Variants in ITSN1 observed in about 807,000 individuals in gnomAD.
The protein encoded by ITSN1 is intersectin 1.
In ITSN1, 58 loss-of-function variants were observed where a neutral mutation model predicts 239.8. The ratio of observed to expected loss-of-function variants is 0.24; its 90% CI spans 0.20 to 0.30. The LOEUF is 0.30. ITSN1 is among the 10% of genes least tolerant of loss of function. ITSN1 has a pLI of 1.00. For missense variants in ITSN1, 1,558 were observed against 2,103.3 expected, an observed-to-expected ratio of 0.74 and a Z score of 5.07; for synonymous variants, 780 against 770.8, an observed-to-expected ratio of 1.01 and a Z score of -0.20.
chr21:33,647,844 G>A lies in ITSN1; in HGVS notation c.-33+5131G>A, dbSNP rs535916777. 3.3e-5 allele frequency among the ~76,000 whole-genome samples: 5 copies of A among 152,256 alleles called. No individual in the cohort carries two copies. The South Asian group carries it at 1.0e-3, about 32-fold the overall frequency. On this transcript the variant is annotated intron_variant, in intron 1 of 39. Coordinates refer to ENST00000381318, the MANE Select transcript of ITSN1 (RefSeq NM_003024.3). ...ATTTATTTTTATTAGACATTAGTTT[G>A]TTTATTTTTCCTCCACGGTTACTTA... is the stretch of plus-strand genomic sequence containing the variant.
chr21:33,844,323 GA>G (rs1351046100), intron 29 of ITSN1, among the ~76,000 whole-genome samples: 1 of 152,196 alleles, frequency 6.6e-6, no homozygotes, highest in Non-Finnish European at 1.5e-5. Context: ...GGCCACCAGG[GA>G]AAATGGAATG....
chr21:33,758,152 G>C (rs2068051984), intron 8 of ITSN1, among the ~76,000 whole-genome samples: 1 of 152,030 alleles, frequency 6.6e-6, no homozygotes, highest in Non-Finnish European at 1.5e-5. Context: ...CAAAGTACTG[G>C]GATTACAGGC....
At chr21:33,841,930 T>C (rs1199448662) in intron 29 of ITSN1, among the ~76,000 whole-genome samples, 3 of 147,508 alleles carry the variant, frequency 2.0e-5, no homozygotes, top group African/African-American at 5.1e-5. Context: ...CAGAGTTCTC[T>C]TGGGCACTTT....
intron 22 of ITSN1, among the ~76,000 whole-genome samples, chr21:33,815,496 G>A (rs1192002432): frequency 1.3e-5 from 2 of 152,114 alleles, no homozygotes; most frequent in African/African-American, 4.8e-5. Flanking sequence ...GACAGGTAGA[G>A]CTTTGTAACC....
chr21:33,854,545 G>A (rs1978949036), intron 29 of ITSN1, among the ~76,000 whole-genome samples: 1 of 152,190 alleles, frequency 6.6e-6, no homozygotes, highest in Non-Finnish European at 1.5e-5. Flanking sequence ...GTGTTTCTTG[G>A]GTGACCTTCC....
At position 33,765,863 on chromosome 21, in the gene ITSN1, T is replaced by C. The variant is rs372747157; in HGVS notation, c.789-12T>C. The C allele has an allele frequency of 2.9e-5, 46 of 1,613,908 alleles. No individual in the cohort carries two copies. The African/African-American group carries it at 5.7e-4, about 20-fold the overall frequency. ...CATGAAACCGGATTACAGTTAACTTTTTGTTGAATAGGAATCTTTCTGACA... is the reference window on the plus strand; with the variant it reads ...CATGAAACCGGATTACAGTTAACTTCTTGTTGAATAGGAATCTTTCTGACA... On this transcript the variant is annotated splice_polypyrimidine_tract_variant and intron_variant, in intron 9 of 39. Coordinates refer to ENST00000381318, the MANE Select transcript of ITSN1 (RefSeq NM_003024.3).
intron 29 of ITSN1, among the ~76,000 whole-genome samples, chr21:33,843,425 C>T (rs922540972): frequency 1.2e-4 from 18 of 152,300 alleles, no homozygotes; most frequent in African/African-American, 4.1e-4. Context: ...GCCCTTTGTC[C>T]TTCTCTCCTC....
At chr21:33,774,082 T>C (rs567773727) in intron 12 of ITSN1, among the ~76,000 whole-genome samples, 2 of 152,336 alleles carry the variant, frequency 1.3e-5, no homozygotes, top group African/African-American at 4.8e-5. Context: ...AATGATATTC[T>C]AGAGTATTTA....
chr21:33,882,949 C>T lies in ITSN1; in HGVS notation c.4554+494C>T, dbSNP rs1017551973. ...CAGCTGTTTATATGGTCTGCTCATA[C>T]GTGCATGGCTGTGTTTGTGTGTCTT... On this transcript the variant is annotated intron_variant, in intron 35 of 39. Transcript: ENST00000381318. The surrounding 1 kb of genome is among the most constrained non-coding windows in gnomAD (Gnocchi z 4.5). 6.6e-6 allele frequency among the ~76,000 whole-genome samples: 1 copy of T among 152,158 alleles called. No homozygotes were observed. Among genetic ancestry groups the T allele is most frequent in the Non-Finnish European group, 1.5e-5 (1 of 68,036 alleles).
chr21:33,663,390 G>A (rs1377089998), intron 1 of ITSN1, among the ~76,000 whole-genome samples: 6 of 74 alleles, frequency 0.081, no homozygotes, highest in Admixed American at 0.25. Context: ...TAGATGGGCC[G>A]TTAGGCATAG....
At chr21:33,747,137 G>A (rs1253431446) in intron 5 of ITSN1, among the ~76,000 whole-genome samples, 3 of 152,202 alleles carry the variant, frequency 2.0e-5, no homozygotes. Context: ...CTGGGCAACA[G>A]AGTGAGGCCT....
chr21:33,865,348 C>A lies in ITSN1; in HGVS notation c.4074+14C>A, dbSNP rs749354518. 10 of 1,528,960 alleles carry A rather than the reference C, an allele frequency of 6.5e-6. No homozygotes were observed. The highest frequency in any genetic ancestry group is 2.1e-5 in the Admixed American group (1 of 47,370). 94.7% of individuals were successfully genotyped at this position (1,528,960 alleles called of 1,614,324 possible). Reference sequence around the variant, plus strand: ...GAGTTCGTCAAAGTAAGGAGCCAGGCTGTGCAGAGACTGGGCCCCAGAGTG... The same window carrying A: ...GAGTTCGTCAAAGTAAGGAGCCAGGATGTGCAGAGACTGGGCCCCAGAGTG... On this transcript the variant is annotated intron_variant, in intron 32 of 39. Transcript: ENST00000381318. The surrounding 1 kb of genome is among the most constrained non-coding windows in gnomAD (Gnocchi z 4.4).
chr21:33,656,646 C>T (rs990801766), intron 1 of ITSN1, among the ~76,000 whole-genome samples: 1 of 152,154 alleles, frequency 6.6e-6, no homozygotes, highest in Admixed American at 6.5e-5. Context: ...AACGGTCCCC[C>T]CACCTCAGCC....
intron 12 of ITSN1, chr21:33,774,494 C>A (rs1241089632): frequency 1.2e-5 from 4 of 347,000 alleles, no homozygotes; most frequent in Admixed American, 4.3e-5. Flanking sequence ...ATAATCCTGT[C>A]ATCTTACGTA....
At chr21:33,731,524 C>T (rs543743579) in intron 4 of ITSN1, among the ~76,000 whole-genome samples, 21 of 152,286 alleles carry the variant, frequency 1.4e-4, no homozygotes, top group African/African-American at 4.8e-4. Flanking sequence ...AATAAAGCAA[C>T]CAGAAGCCAG....
intron 14 of ITSN1, among the ~76,000 whole-genome samples, chr21:33,778,869 C>T (rs8131217): frequency 0.026 from 3,651 of 141,920 alleles, 381 homozygotes; most frequent in African/African-American, 0.09. Context: ...TGAGCCACCG[C>T]GCCCGGCCTA....
At chr21:33,853,121 G>T (rs1252666353) in intron 29 of ITSN1, among the ~76,000 whole-genome samples, 1 of 152,196 alleles carries the variant, frequency 6.6e-6, no homozygotes, top group Non-Finnish European at 1.5e-5. Context: ...ATGATTCCAA[G>T]CCAACATCAT....
intron 14 of ITSN1, among the ~76,000 whole-genome samples, chr21:33,776,429 C>T (rs1602164947): frequency 6.7e-6 from 1 of 148,294 alleles, no homozygotes; most frequent in South Asian, 2.1e-4. Context: ...GGCATGGGGG[C>T]GTTCACCTGT....
chr21:33,726,603 A>C (rs765116639), intron 4 of ITSN1, among the ~76,000 whole-genome samples: 8 of 152,144 alleles, frequency 5.3e-5, no homozygotes, highest in Admixed American at 2.0e-4. Flanking sequence ...TTCTGGGCTC[A>C]AACAATCCTC....
Sources: allele counts gnomAD v4.1 joint callset (sites outside exome capture counted in the v4.1 genomes callset), GRCh38; gene constraint gnomAD v4.1.1; non-coding constraint Gnocchi (gnomAD v3.1); transcripts MANE v1.5; gene names NCBI Gene and HGNC (gene_info 2026-07-23, HGNC 2026-07-21).